SGCZ: variants seen among roughly 807,000 people sequenced by gnomAD.
The protein encoded by SGCZ is zeta-sarcoglycan.
SGCZ carries 40 observed loss-of-function variants against 41.3 expected under a neutral mutation model. That is an observed-to-expected ratio of 0.97 (90% CI 0.75 to 1.26). The LOEUF is 1.26. SGCZ is among the 50% of genes most tolerant of loss of function. The probability of loss-of-function intolerance (pLI) is 0.00; values close to 1 mark genes in which losing one functional copy is unlikely to be tolerated. For synonymous variants in SGCZ, 206 were observed against 137.5 expected (o/e 1.50, Z -3.49); for missense variants, 552 against 369.8 (o/e 1.49, Z -4.04).
At chr8:14,724,688 G>GACATAT (rs1554488415) in intron 1 of SGCZ, among the ~76,000 whole-genome samples, 9 of 148,700 alleles carry the variant, frequency 6.1e-5, no homozygotes, top group Non-Finnish European at 1.2e-4. Flanking sequence ...ATCACTAAGT[G>GACATAT]ATATATATAT....
chr8:15,216,487 T>C (rs1801408383), intron 1 of SGCZ, among the ~76,000 whole-genome samples: 2 of 152,062 alleles, frequency 1.3e-5, no homozygotes, highest in South Asian at 2.1e-4. Flanking sequence ...CCCAAAGTGC[T>C]GGGATTACAG....
At chr8:14,518,909 A>AT (rs1337796329) in intron 2 of SGCZ, among the ~76,000 whole-genome samples, 2 of 148,160 alleles carry the variant, frequency 1.3e-5, no homozygotes, top group East Asian at 3.9e-4. Context: ...AAAAAAAAAA[A>AT]AATACAAAAA....
At chr8:14,614,771 T>C (rs1036268310) in intron 1 of SGCZ, among the ~76,000 whole-genome samples, 5 of 151,916 alleles carry the variant, frequency 3.3e-5, no homozygotes, top group African/African-American at 1.2e-4. Context: ...TTAACATAAG[T>C]GGTGGGGGAT....
chr8:14,866,236 G>A (rs548103776), intron 1 of SGCZ, among the ~76,000 whole-genome samples: 87 of 152,060 alleles, frequency 5.7e-4, no homozygotes, highest in Middle Eastern at 3.4e-3. Context: ...TTGTTCTTCC[G>A]TCTAAGTGAT....
chr8:14,211,213 C>T (rs1469657012), intron 4 of SGCZ, among the ~76,000 whole-genome samples: 1 of 152,102 alleles, frequency 6.6e-6, no homozygotes, highest in African/African-American at 2.4e-5. Context: ...AGGTGTTTTG[C>T]TTGCAGGACT....
intron 2 of SGCZ, among the ~76,000 whole-genome samples, chr8:14,553,763 G>C (rs777117939): frequency 2.6e-5 from 4 of 151,998 alleles, no homozygotes; most frequent in Non-Finnish European, 5.9e-5. Context: ...CCAATACCCA[G>C]TGGGGTTTAA....
At chr8:14,978,066 C>T (rs924313451) in intron 1 of SGCZ, among the ~76,000 whole-genome samples, 2 of 151,976 alleles carry the variant, frequency 1.3e-5, no homozygotes, top group Admixed American at 6.6e-5. Context: ...TTTCCTGTCG[C>T]GGCTAGGTGC....
chr8:15,024,836 T>C (rs1269336332), intron 1 of SGCZ, among the ~76,000 whole-genome samples: 1 of 151,964 alleles, frequency 6.6e-6, no homozygotes, highest in African/African-American at 2.4e-5. Flanking sequence ...CTAAGGAGGC[T>C]GAGGCAGGAG....
chr8:14,297,555 A>T (rs1259389273), intron 3 of SGCZ, among the ~76,000 whole-genome samples: 1 of 151,922 alleles, frequency 6.6e-6, no homozygotes, highest in East Asian at 1.9e-4. Context: ...ACCGCTTTCT[A>T]GAATAAAAGC....
At chr8:14,444,425 A>G (rs1800369639) in intron 2 of SGCZ, among the ~76,000 whole-genome samples, 1 of 152,144 alleles carries the variant, frequency 6.6e-6, no homozygotes, top group Non-Finnish European at 1.5e-5. Context: ...ATGTCCAACA[A>G]TGATAGACTG....
intron 1 of SGCZ, among the ~76,000 whole-genome samples, chr8:14,936,882 T>C (rs1303680712): frequency 2.6e-5 from 4 of 151,964 alleles, no homozygotes; most frequent in African/African-American, 9.6e-5. Context: ...TCAAAATCTG[T>C]AGAATACACT....
At chr8:14,148,988 C>T (rs572340554) in intron 5 of SGCZ, among the ~76,000 whole-genome samples, 67 of 152,208 alleles carry the variant, frequency 4.4e-4, no homozygotes, top group African/African-American at 1.5e-3. Flanking sequence ...TTCCACATCT[C>T]TTCATGATAA....
intron 1 of SGCZ, among the ~76,000 whole-genome samples, chr8:14,932,750 C>G (rs192283817): frequency 3.9e-5 from 6 of 152,144 alleles, no homozygotes; most frequent in Admixed American, 3.3e-4. Context: ...TCTAAACAAA[C>G]TTTCCACTCC....
chr8:14,519,432 A>G (rs1417463414), intron 2 of SGCZ, among the ~76,000 whole-genome samples: 1 of 152,182 alleles, frequency 6.6e-6, no homozygotes, highest in African/African-American at 2.4e-5. Flanking sequence ...CATATTTCTA[A>G]TTAACTCTCT....
chr8:14,432,104 C>T (rs1033896781), intron 2 of SGCZ, among the ~76,000 whole-genome samples: 1 of 152,170 alleles, frequency 6.6e-6, no homozygotes, highest in African/African-American at 2.4e-5. Flanking sequence ...AATATAACCA[C>T]TACGGAAAAC....
intron 4 of SGCZ, among the ~76,000 whole-genome samples, chr8:14,213,641 A>G (rs929227675): frequency 6.6e-6 from 1 of 152,136 alleles, no homozygotes; most frequent in Non-Finnish European, 1.5e-5. Context: ...AAAAAATGGT[A>G]AACGTAGAAC....
intron 1 of SGCZ, among the ~76,000 whole-genome samples, chr8:14,880,676 C>G (rs1334575403): frequency 2.6e-5 from 4 of 151,986 alleles, no homozygotes; most frequent in African/African-American, 7.3e-5. Context: ...AGCTGGAAAC[C>G]ATCATTCTCA....
At chr8:15,095,069 G>A (rs1445325556) in intron 1 of SGCZ, among the ~76,000 whole-genome samples, 2 of 152,142 alleles carry the variant, frequency 1.3e-5, no homozygotes, top group African/African-American at 4.8e-5. Flanking sequence ...ATGCTTCTAT[G>A]TTGACTGTAT....
At chr8:14,927,769 G>A (rs183007480) in intron 1 of SGCZ, among the ~76,000 whole-genome samples, 26 of 152,160 alleles carry the variant, frequency 1.7e-4, no homozygotes, top group Admixed American at 5.9e-4. Flanking sequence ...GCGTTGACTC[G>A]GCATGGTCTT....
Sources: allele counts gnomAD v4.1 joint callset (sites outside exome capture counted in the v4.1 genomes callset), GRCh38; gene constraint gnomAD v4.1.1; transcripts MANE v1.5; gene names NCBI Gene and HGNC (gene_info 2026-07-23, HGNC 2026-07-21).